FRMPD4: variants seen among roughly 807,000 people sequenced by gnomAD.
FRMPD4 encodes the protein FERM and PDZ domain containing 4, also known as FERM and PDZ domain-containing protein 4.
A neutral mutation model predicts 94.1 loss-of-function variants in FRMPD4; 22 were observed. That is an observed-to-expected ratio of 0.23 (90% CI 0.17 to 0.33). The LOEUF (loss-of-function observed/expected upper bound fraction) is 0.33. Among genes scored for constraint, FRMPD4 ranks in the 10% least tolerant of loss-of-function variants. FRMPD4 has a pLI of 1.00. For synonymous variants in FRMPD4, 631 were observed against 548.6 expected (o/e 1.15, Z -2.10); for missense variants, 1,111 against 1,339.9 (o/e 0.83, Z 2.67).
chrX:12,129,339 A>G (rs2055527051), intron 3 of FRMPD4, among the ~76,000 whole-genome samples: 1 of 111,762 alleles, frequency 8.9e-6, no homozygotes, highest in African/African-American at 3.3e-5. Flanking sequence ...AGGAGAGAGA[A>G]GTGCCAAGCA....
chrX:12,485,496 G>A (rs992840320), intron 1 of FRMPD4, among the ~76,000 whole-genome samples: 2 of 109,533 alleles, frequency 1.8e-5, no homozygotes, highest in African/African-American at 6.5e-5. Flanking sequence ...AAAGATTAAG[G>A]ACAAGCTATA....
At position 11,993,018 on chromosome X, in the gene FRMPD4, T is replaced by A. The variant is rs752270407; in HGVS notation, c.95+115000T>A. Among the ~76,000 whole-genome samples, 4 of 110,393 alleles carry A rather than the reference T, an allele frequency of 3.6e-5. No homozygotes were observed. The South Asian group carries it at 1.6e-3, about 43-fold the overall frequency. On this transcript the variant is annotated intron_variant, in intron 3 of 18. Coordinates refer to the FRMPD4 transcript ENST00000640291. Reference sequence around the variant, plus strand: ...TTTTTTTTGGTTTTGTTTTGTTTTGTTTTTGCAAATGATACAATTCCTCCA... The same window carrying A: ...TTTTTTTTGGTTTTGTTTTGTTTTGATTTTGCAAATGATACAATTCCTCCA...
At chrX:12,514,911 T>C (rs1363786865) in intron 2 of FRMPD4, among the ~76,000 whole-genome samples, 3 of 112,060 alleles carry the variant, frequency 2.7e-5, no homozygotes, top group Non-Finnish European at 5.6e-5. Flanking sequence ...TATTGGTCTA[T>C]TCAGGGATTC....
intron 1 of FRMPD4, among the ~76,000 whole-genome samples, chrX:12,191,839 C>T (rs1322097319): frequency 9.0e-6 from 1 of 111,354 alleles, no homozygotes; most frequent in Non-Finnish European, 1.9e-5. Context: ...TACATTTGTC[C>T]AAGCCCGTAG....
chrX:12,386,401 T>A lies in FRMPD4; in HGVS notation c.42-112279T>A, dbSNP rs113084793. ...CCAAGGACGAAAGTATGTGGATGGA[T>A]TGATTAGGAGGGACTTTTTCTAATT... On this transcript the variant is annotated intron_variant, in intron 1 of 16. Coordinates refer to ENST00000675598, the MANE Select transcript of FRMPD4 (RefSeq NM_001368397.1). 2.5e-3 allele frequency among the ~76,000 whole-genome samples: 279 copies of A among 111,851 alleles called. 2 individuals are homozygous for A. The highest frequency in any genetic ancestry group is 8.6e-3 in the African/African-American group (266 of 30,824).
intron 14 of FRMPD4, among the ~76,000 whole-genome samples, chrX:12,714,066 T>G (rs2042036939): frequency 8.9e-6 from 1 of 112,111 alleles, no homozygotes; most frequent in Non-Finnish European, 1.9e-5. Context: ...AAATCAGAGT[T>G]GGCAAAACTA....
intron 2 of FRMPD4, among the ~76,000 whole-genome samples, chrX:12,522,559 T>C (rs1369508933): frequency 9.1e-6 from 1 of 109,432 alleles, no homozygotes; most frequent in Non-Finnish European, 1.9e-5. Flanking sequence ...AACTTTATTA[T>C]AGTGATTGCT....
intron 1 of FRMPD4, among the ~76,000 whole-genome samples, chrX:12,320,327 C>A (rs961470078): frequency 5.0e-4 from 56 of 111,015 alleles, no homozygotes; most frequent in African/African-American, 1.8e-3. Flanking sequence ...GGCCACGCAG[C>A]AAGGTAGGGG....
chrX:12,502,813 T>C (rs1382978821), intron 2 of FRMPD4, among the ~76,000 whole-genome samples: 1 of 112,056 alleles, frequency 8.9e-6, no homozygotes, highest in African/African-American at 3.2e-5. Flanking sequence ...GTATAGATGA[T>C]TAGATACAGA....
intron 3 of FRMPD4, among the ~76,000 whole-genome samples, chrX:11,955,060 GAGGGCCC>G (rs2054247047): frequency 9.0e-6 from 1 of 111,314 alleles, no homozygotes; most frequent in Non-Finnish European, 1.9e-5. Context: ...GATGTCTGGT[GAGGGCCC>G]ACTTCTTATA....
intron 1 of FRMPD4, among the ~76,000 whole-genome samples, chrX:12,430,400 T>C (rs1004303186): frequency 2.7e-5 from 3 of 112,455 alleles, no homozygotes; most frequent in Non-Finnish European, 5.6e-5. Context: ...TTCAGTGCCA[T>C]TGTTGATTTA....
At chrX:12,629,375 T>C in intron 4 of FRMPD4, among the ~76,000 whole-genome samples, 1 of 111,846 alleles carries the variant, frequency 8.9e-6, no homozygotes, top group Non-Finnish European at 1.9e-5. Context: ...CAAAATATTG[T>C]CCTGCTGTGT....
chrX:12,170,296 GA>G lies in FRMPD4; in HGVS notation c.41+31287del, dbSNP rs746097853. ...ATTATGGTTGTCAATCATGAACCGA[GA>G]AATAACCAACCAATTGTGCTACCTC... is the stretch of plus-strand genomic sequence containing the variant. On this transcript the variant is annotated intron_variant, in intron 1 of 16. Transcript: ENST00000675598. Among the ~76,000 whole-genome samples, 3 of 109,322 alleles carry G rather than the reference GA, an allele frequency of 2.7e-5. No individual in the cohort carries two copies. In the South Asian group the frequency reaches 1.2e-3, roughly 44 times the overall value. 94.9% of individuals were successfully genotyped at this position (109,322 alleles called of 115,157 possible).
intron 3 of FRMPD4, among the ~76,000 whole-genome samples, chrX:11,890,657 AG>A (rs774666792): frequency 8.9e-6 from 1 of 112,612 alleles, no homozygotes; most frequent in East Asian, 2.8e-4. Context: ...TGATGTTCAA[AG>A]ACAGGTGGTT....
chrX:12,475,044 A>T (rs1010648117), intron 1 of FRMPD4, among the ~76,000 whole-genome samples: 1 of 112,016 alleles, frequency 8.9e-6, no homozygotes, highest in Non-Finnish European at 1.9e-5. Flanking sequence ...CCTGATGAAC[A>T]TTGATGCAAA....
At chrX:11,857,066 AC>A (rs2053657676) in intron 1 of FRMPD4, among the ~76,000 whole-genome samples, 1 of 112,189 alleles carries the variant, frequency 8.9e-6, no homozygotes, top group African/African-American at 3.2e-5. Context: ...GATGACACAA[AC>A]AAATGGAAAA....
At chrX:12,433,956 G>T (rs1236160363) in intron 1 of FRMPD4, among the ~76,000 whole-genome samples, 2 of 111,692 alleles carry the variant, frequency 1.8e-5, no homozygotes, top group Non-Finnish European at 3.8e-5. Context: ...GTAAAACTTT[G>T]TAAGTTTATT....
At chrX:12,703,883 T>C (rs2041830898) in intron 10 of FRMPD4, among the ~76,000 whole-genome samples, 1 of 110,896 alleles carries the variant, frequency 9.0e-6, no homozygotes, top group South Asian at 3.9e-4. Flanking sequence ...CCTAGAGAAA[T>C]AGCCATGGAG....
chrX:11,927,161 A>C (rs905405491), intron 3 of FRMPD4, among the ~76,000 whole-genome samples: 4 of 110,959 alleles, frequency 3.6e-5, no homozygotes, highest in Non-Finnish European at 3.8e-5. Flanking sequence ...AAAAAAAAAA[A>C]GTATAATATA....
Sources: allele counts gnomAD v4.1 joint callset (sites outside exome capture counted in the v4.1 genomes callset), GRCh38; gene constraint gnomAD v4.1.1; transcripts MANE v1.5; gene names NCBI Gene and HGNC (gene_info 2026-07-23, HGNC 2026-07-21).